Variants in GALNT15 observed in about 807,000 individuals in gnomAD.
GALNT15 encodes the protein polypeptide N-acetylgalactosaminyltransferase 15.
GALNT15 carries 67 observed loss-of-function variants against 66.8 expected under a neutral mutation model. That is an observed-to-expected ratio of 1.00 (90% CI 0.82 to 1.23). The LOEUF (loss-of-function observed/expected upper bound fraction) is 1.23, where lower values mean the gene tolerates loss of function less well. GALNT15 is among the 50% of genes most tolerant of loss of function. GALNT15 has a pLI of 0.00. For synonymous variants in GALNT15, 313 were observed against 311.5 expected, an observed-to-expected ratio of 1.00 and a Z score of -0.05; for missense variants, 827 against 804.3, an observed-to-expected ratio of 1.03 and a Z score of -0.34.
At position 16,226,412 on chromosome 3, in the gene GALNT15, G is replaced by A. The variant is rs1030608131; in HGVS notation, c.1774-942G>A. On this transcript the variant is annotated intron_variant, in intron 9 of 9. Coordinates refer to ENST00000339732, the MANE Select transcript of GALNT15 (RefSeq NM_054110.5). Reference sequence around the variant, plus strand: ...TGGGTAGTTTATGAAAAAAAAAGAGGTTTAATTGACTCACAGTTCTGCAGG... The same window carrying A: ...TGGGTAGTTTATGAAAAAAAAAGAGATTTAATTGACTCACAGTTCTGCAGG... Among the ~76,000 whole-genome samples, 3 of 152,126 alleles carry A rather than the reference G, an allele frequency of 2.0e-5. No homozygotes were observed. The East Asian group carries it at 5.8e-4, about 29-fold the overall frequency.
In GALNT15 at chr3:16,219,750, C is replaced by T. The variant is rs1415816734; in HGVS notation, c.1525-160C>T. Among the ~76,000 whole-genome samples, 2 of 152,246 alleles carry T rather than the reference C, an allele frequency of 1.3e-5. No homozygotes were observed. The highest frequency in any genetic ancestry group is 2.9e-5 in the Non-Finnish European group (2 of 68,044). ...AGCACCTCCTTCAAGAGGCCTGTCC[C>T]TTAGGGTCAGTGGCTTCAGCTTTAC... On this transcript the variant is annotated intron_variant, in intron 7 of 9. Coordinates refer to ENST00000339732, the MANE Select transcript of GALNT15 (RefSeq NM_054110.5). The surrounding 1 kb of genome is among the most constrained non-coding windows in gnomAD (Gnocchi z 4.3).
the GALNT15 span, among the ~76,000 whole-genome samples, chr3:16,239,943 C>T: frequency 6.6e-6 from 1 of 152,224 alleles, no homozygotes; most frequent in Non-Finnish European, 1.5e-5. This position sits in a 1 kb window ranked among gnomAD's most constrained non-coding sequence, Gnocchi z 5.2. Context: ...AAAGCCGTTA[C>T]ATGGTAGTGT....
At chr3:16,185,917 T>C (rs1171688730) in intron 1 of GALNT15, among the ~76,000 whole-genome samples, 1 of 152,222 alleles carries the variant, frequency 6.6e-6, no homozygotes, top group African/African-American at 2.4e-5. Flanking sequence ...TAGTGCTGTA[T>C]AACGCACCTT....
In GALNT15 at chr3:16,187,912, C is replaced by T. The variant is rs149988161; in HGVS notation, c.540-7848C>T. ...GGTGCTACCCTATTCCTCCATTCTCCCTCAGTGAAAACAAATCATAGACTC... is the reference window on the plus strand; with the variant it reads ...GGTGCTACCCTATTCCTCCATTCTCTCTCAGTGAAAACAAATCATAGACTC... On this transcript the variant is annotated intron_variant, in intron 1 of 9. Coordinates refer to ENST00000339732, the MANE Select transcript of GALNT15 (RefSeq NM_054110.5). The surrounding 1 kb of genome is among the most constrained non-coding windows in gnomAD (Gnocchi z 5.1). Among the ~76,000 whole-genome samples the T allele has an allele frequency of 2.0e-5, 3 of 152,264 alleles. No homozygotes were observed. The highest frequency in any genetic ancestry group is 7.2e-5 in the African/African-American group (3 of 41,554).
chr3:16,208,399 G>T (rs550930703), intron 3 of GALNT15, 104 bp from the exon 4 acceptor site: 1 of 1,071,304 alleles, frequency 9.3e-7, no homozygotes, highest in East Asian at 2.5e-5. Context: ...TTTTAGGTAC[G>T]GGTGTCTGGT....
At position 16,188,388 on chromosome 3, in the gene GALNT15, A is replaced by G. The variant is rs1257708015; in HGVS notation, c.540-7372A>G. Among the ~76,000 whole-genome samples the G allele has an allele frequency of 6.6e-6, 1 of 152,250 alleles. No homozygotes were observed. Among genetic ancestry groups the G allele is most frequent in the Non-Finnish European group, 1.5e-5 (1 of 68,044 alleles). ...TTGGATTAGTGGTCAACATTTAAAA[A>G]TTAAGATATTTCCCAGAAACAGTTC... On this transcript the variant is annotated intron_variant, in intron 1 of 9. Transcript: ENST00000339732. This position sits in a 1 kb window ranked among gnomAD's most constrained non-coding sequence, Gnocchi z 4.6.
intron 1 of GALNT15, among the ~76,000 whole-genome samples, chr3:16,190,587 A>G (rs558780187): frequency 2.9e-4 from 43 of 150,590 alleles, no homozygotes; most frequent in South Asian, 1.3e-3. Flanking sequence ...GCAGTGAGCC[A>G]AGATCGCGCC....
In GALNT15 at chr3:16,200,693, C is replaced by G. The variant is rs749165221; in HGVS notation, c.781C>G (p.Leu261Val). 5 of 1,610,422 alleles carry G rather than the reference C, an allele frequency of 3.1e-6. No homozygotes were observed. The East Asian group carries it at 1.1e-4, about 36-fold the overall frequency. Residue 261 changes from leucine to valine, a missense_variant, in exon 3 of 10, where the codon CTG becomes GTG. Coordinates refer to ENST00000339732, the MANE Select transcript of GALNT15 (RefSeq NM_054110.5). This position sits in a 1 kb window ranked among gnomAD's most constrained non-coding sequence, Gnocchi z 4.4. ...GAAGTTACTCAGGAGCAACAAGAGG[C>G]TGGGTGCCATCAGGGCCCGGATGCT... Reference protein sequence around the residue: ...GVKLLRSNKRLGAIRARMLGA... With the variant: ...GVKLLRSNKRVGAIRARMLGA...
downstream of GALNT15, among the ~76,000 whole-genome samples, chr3:16,231,462 T>C (rs964172284): frequency 6.6e-6 from 1 of 152,216 alleles, no homozygotes; most frequent in Non-Finnish European, 1.5e-5. The surrounding 1 kb of genome is among the most constrained non-coding windows in gnomAD (Gnocchi z 4.1). Context: ...GTAGTAGTTC[T>C]TTCCACGGGT....
rs1164892477 is a variant in GALNT15, at chr3:16,200,083, G to A, written c.707-536G>A. Reference sequence around the variant, plus strand: ...GAAACTTACAATCATGGTGGAAGGGGAAGCATGTCTTACATGGCAGCAAGT... The same window carrying A: ...GAAACTTACAATCATGGTGGAAGGGAAAGCATGTCTTACATGGCAGCAAGT... On this transcript the variant is annotated intron_variant, in intron 2 of 9. Transcript: ENST00000339732. This position sits in a 1 kb window ranked among gnomAD's most constrained non-coding sequence, Gnocchi z 4.4. 3.3e-5 allele frequency among the ~76,000 whole-genome samples: 5 copies of A among 152,082 alleles called. No individual in the cohort carries two copies. The highest frequency in any genetic ancestry group is 7.4e-5 in the Non-Finnish European group (5 of 68,016).
chr3:16,204,169 A>C lies in GALNT15; in HGVS notation c.911+3346A>C, dbSNP rs1403275117. Among the ~76,000 whole-genome samples, 1 of 152,088 alleles carries C rather than the reference A, an allele frequency of 6.6e-6. No individual in the cohort carries two copies. On this transcript the variant is annotated intron_variant, in intron 3 of 9. Coordinates refer to ENST00000339732, the MANE Select transcript of GALNT15 (RefSeq NM_054110.5). The surrounding 1 kb of genome is among the most constrained non-coding windows in gnomAD (Gnocchi z 4.5). ...TGGCCAAGGAATTCAGAGCCTGCTG[A>C]CCAGCCTTTGTTCCCTGTCCCTGCC... is the stretch of plus-strand genomic sequence containing the variant.
Position 16,181,833 on chromosome 3 carries a change from G to C in GALNT15, c.539+6143G>C, listed in dbSNP as rs765851989. ...TGAGTGGTGCTTATGGGGCCTGGCTGTCCAAGTCGTGAAGGGATGCCACAA... is the reference window on the plus strand; with the variant it reads ...TGAGTGGTGCTTATGGGGCCTGGCTCTCCAAGTCGTGAAGGGATGCCACAA... On this transcript the variant is annotated intron_variant, in intron 1 of 9. Transcript: ENST00000339732. This position sits in a 1 kb window ranked among gnomAD's most constrained non-coding sequence, Gnocchi z 5.9. Among the ~76,000 whole-genome samples the C allele has an allele frequency of 3.3e-5, 5 of 152,160 alleles. No individual in the cohort carries two copies. Among genetic ancestry groups the C allele is most frequent in the Admixed American group, 2.6e-4 (4 of 15,280 alleles).
intron 3 of GALNT15, among the ~76,000 whole-genome samples, chr3:16,207,262 A>G (rs902180269): frequency 6.6e-6 from 1 of 152,228 alleles, no homozygotes; most frequent in South Asian, 2.1e-4. Flanking sequence ...CTCCCCTCCC[A>G]GGAATCTCAC....
At chr3:16,232,047 A>G, downstream of GALNT15, 1 of 1,233,568 alleles carries the variant, frequency 8.1e-7, no homozygotes, top group South Asian at 1.6e-5. Context: ...GAAACTGTTC[A>G]GAGAGGGTGA....
Position 16,176,690 on chromosome 3 carries a change from G to C in GALNT15, c.539+1000G>C, listed in dbSNP as rs2063413453. Among the ~76,000 whole-genome samples, 1 of 152,216 alleles carries C rather than the reference G, an allele frequency of 6.6e-6. No individual in the cohort carries two copies. Among genetic ancestry groups the C allele is most frequent in the South Asian group, 2.1e-4 (1 of 4,830 alleles). ...GGAGCAAGGCAGCTTGTTAGTTTTAGTTTGGTGATTTAGGTCCCTTTTCCT... is the reference window on the plus strand; with the variant it reads ...GGAGCAAGGCAGCTTGTTAGTTTTACTTTGGTGATTTAGGTCCCTTTTCCT... On this transcript the variant is annotated intron_variant, in intron 1 of 9. Transcript: ENST00000339732. The surrounding 1 kb of genome is among the most constrained non-coding windows in gnomAD (Gnocchi z 5.6).
At chr3:16,215,914 A>AAAAACAAAAC (rs1553687139) in intron 6 of GALNT15, among the ~76,000 whole-genome samples, 3 of 150,984 alleles carry the variant, frequency 2.0e-5, no homozygotes, top group Admixed American at 6.6e-5. Flanking sequence ...GCCAAAAAAA[A>AAAAACAAAAC]AAAAAAAAAA....
At chr3:16,243,246 C>T in the GALNT15 span, among the ~76,000 whole-genome samples, 13 of 152,316 alleles carry the variant, frequency 8.5e-5, no homozygotes, top group African/African-American at 3.1e-4. Context: ...ACCTGGATGT[C>T]GTGCAAGATG....
chr3:16,195,712 T>A lies in GALNT15; in HGVS notation c.540-48T>A, dbSNP rs374506896. 28 of 1,563,948 alleles carry A rather than the reference T, an allele frequency of 1.8e-5. No homozygotes were observed. The African/African-American group carries it at 3.4e-4, about 19-fold the overall frequency. ...AGCGAGTTAGAGGGTGTGGAGTGTTTCTTGTGGCCTTCTCTTCCCCATGGC... is the reference window on the plus strand; with the variant it reads ...AGCGAGTTAGAGGGTGTGGAGTGTTACTTGTGGCCTTCTCTTCCCCATGGC... On this transcript the variant is annotated intron_variant, in intron 1 of 9. Coordinates refer to ENST00000339732, the MANE Select transcript of GALNT15 (RefSeq NM_054110.5). The surrounding 1 kb of genome is among the most constrained non-coding windows in gnomAD (Gnocchi z 4.6).
chr3:16,239,868 C>T, the GALNT15 span, among the ~76,000 whole-genome samples: 2 of 152,214 alleles, frequency 1.3e-5, no homozygotes, highest in South Asian at 2.1e-4. This position sits in a 1 kb window ranked among gnomAD's most constrained non-coding sequence, Gnocchi z 5.2. Flanking sequence ...TAGGAAGTTG[C>T]GTGAGAATCT....
Sources: gnomAD v4.1 joint callset for allele counts (sites outside exome capture counted in the v4.1 genomes callset) on GRCh38, gnomAD v4.1.1 for gene constraint, Gnocchi (gnomAD v3.1) non-coding constraint, MANE v1.5 for transcripts, NCBI Gene and HGNC (gene_info 2026-07-23, HGNC 2026-07-21) for gene names.